TSHZ2: variants seen among roughly 807,000 people sequenced by gnomAD.
The protein encoded by TSHZ2 is teashirt zinc finger homeobox 2, also known as teashirt homolog 2.
A neutral mutation model predicts 74.4 loss-of-function variants in TSHZ2; 21 were observed. The ratio of observed to expected loss-of-function variants is 0.28; its 90% CI spans 0.20 to 0.41. The LOEUF (loss-of-function observed/expected upper bound fraction) is 0.41, where lower values mean the gene tolerates loss of function less well. Ranked by LOEUF, TSHZ2 falls within the 10% of genes least tolerant of loss-of-function variation. The pLI is 1.00. For missense variants in TSHZ2, 1,244 were observed against 1,293.5 expected, an observed-to-expected ratio of 0.96 and a Z score of 0.59; for synonymous variants, 540 against 515.3, an observed-to-expected ratio of 1.05 and a Z score of -0.65.
At chr20:53,469,058 T>TATATAC (rs1257652328) in intron 2 of TSHZ2, among the ~76,000 whole-genome samples, 15 of 116,822 alleles carry the variant, frequency 1.3e-4, no homozygotes, top group African/African-American at 5.0e-4. Flanking sequence ...TATATATATA[T>TATATAC]ATATATATAT....
At chr20:53,481,011 T>C (rs531614014) in intron 2 of TSHZ2, among the ~76,000 whole-genome samples, 2 of 149,250 alleles carry the variant, frequency 1.3e-5, no homozygotes, top group South Asian at 4.3e-4. Context: ...TTTATTTCCA[T>C]TTTATTTTTA....
At chr20:53,335,037 G>C (rs1413677866) in intron 2 of TSHZ2, among the ~76,000 whole-genome samples, 1 of 152,234 alleles carries the variant, frequency 6.6e-6, no homozygotes, top group Non-Finnish European at 1.5e-5. Flanking sequence ...GTAGGCACGA[G>C]TATTTGCCCA....
chr20:53,302,542 C>G (rs1978350799), intron 2 of TSHZ2, among the ~76,000 whole-genome samples: 1 of 152,180 alleles, frequency 6.6e-6, no homozygotes, highest in Non-Finnish European at 1.5e-5. Context: ...AATTGTCTTT[C>G]TAACCGTGTG....
At chr20:52,989,047 G>A (rs1981877303) in intron 1 of TSHZ2, among the ~76,000 whole-genome samples, 1 of 151,628 alleles carries the variant, frequency 6.6e-6, no homozygotes, top group African/African-American at 2.4e-5. Flanking sequence ...AACAGTAGGT[G>A]ACTCTTAAAT....
At position 53,254,316 on chromosome 20, in the gene TSHZ2, C is replaced by T. The variant is rs1246276722; in HGVS notation, c.858C>T (p.Ser286=). 4 of 1,614,104 alleles carry T rather than the reference C, an allele frequency of 2.5e-6. No individual in the cohort carries two copies. Among genetic ancestry groups the T allele is most frequent in the African/African-American group, 2.7e-5 (2 of 75,010 alleles). Residue 286 remains serine (S), a synonymous_variant, in exon 2 of 3, where the codon TCC becomes TCT. Coordinates refer to ENST00000371497, the MANE Select transcript of TSHZ2 (RefSeq NM_173485.6). ...TGTTTTGTGGCGACTCCTTTGATTC[C>T]CTCCAAGATTTGAGCGTCCACATGA... The part of the protein sequence containing the change: ...KCMFCGDSFD[S]LQDLSVHMIK...
intron 2 of TSHZ2, among the ~76,000 whole-genome samples, chr20:53,365,325 G>GTAACAGCTA (rs1360386749): frequency 6.6e-6 from 1 of 152,174 alleles, no homozygotes; most frequent in Non-Finnish European, 1.5e-5. Flanking sequence ...GATGGTGTCT[G>GTAACAGCTA]TAACAGCTAT....
At chr20:52,973,645 G>A (rs189400374) in intron 1 of TSHZ2, among the ~76,000 whole-genome samples, 1 of 152,146 alleles carries the variant, frequency 6.6e-6, no homozygotes, top group Non-Finnish European at 1.5e-5. Flanking sequence ...TCGGATTGAG[G>A]ATTTGGGGTG....
rs941187025 is a variant in TSHZ2 at position 53,131,829 on chromosome 20, C to A, written c.41-121670C>A. ...TGCACTTGAATGACAACCCCCCCCC[C>A]CCCCCAAAAAAAAAAAGCCACACTA... is the stretch of plus-strand genomic sequence containing the variant. On this transcript the variant is annotated intron_variant, in intron 1 of 2. Transcript: ENST00000371497. Among the ~76,000 whole-genome samples the A allele has an allele frequency of 6.9e-3, 794 of 115,780 alleles. 10 individuals carry two copies. Among genetic ancestry groups the A allele is most frequent in the Non-Finnish European group, 0.011 (626 of 54,660 alleles). The allele number at this position is 115,780 out of a possible 152,430, so 76.0% of individuals were successfully genotyped here.
At position 53,425,372 on chromosome 20, in the gene TSHZ2, A is replaced by C. The variant is rs1049670655; in HGVS notation, c.*9-61772A>C. ...TTCCAGCCCTCAGACACTGGACAGC[A>C]GAAGAGTCCACAAAAGCATGAGAGG... On this transcript the variant is annotated intron_variant, in intron 2 of 2. Coordinates refer to ENST00000371497, the MANE Select transcript of TSHZ2 (RefSeq NM_173485.6). Among the ~76,000 whole-genome samples the C allele has an allele frequency of 1.4e-4, 21 of 152,252 alleles. 1 individual carries two copies. Among genetic ancestry groups the C allele is most frequent in the Admixed American group, 1.4e-3 (21 of 15,284 alleles).
chr20:53,266,209 C>T (rs1990713474), intron 2 of TSHZ2, among the ~76,000 whole-genome samples: 1 of 152,018 alleles, frequency 6.6e-6, no homozygotes, highest in Non-Finnish European at 1.5e-5. Flanking sequence ...TGCATGGGAG[C>T]CCTGATTCTG....
At chr20:53,479,145 A>T (rs2145851553) in intron 2 of TSHZ2, among the ~76,000 whole-genome samples, 1 of 151,624 alleles carries the variant, frequency 6.6e-6, no homozygotes, top group East Asian at 1.9e-4. Flanking sequence ...AGCCTGGGCA[A>T]CAGGGCAAGA....
At chr20:53,247,984 A>C (rs1331092963) in intron 1 of TSHZ2, among the ~76,000 whole-genome samples, 1 of 152,188 alleles carries the variant, frequency 6.6e-6, no homozygotes, top group Non-Finnish European at 1.5e-5. Flanking sequence ...CCCATGAATT[A>C]TTTTGCACAA....
intron 2 of TSHZ2, among the ~76,000 whole-genome samples, chr20:53,358,486 G>A (rs909996450): frequency 2.3e-4 from 35 of 151,934 alleles, no homozygotes; most frequent in Admixed American, 1.0e-3. Context: ...GACTACAGGC[G>A]TGCACCACCA....
Position 53,392,088 on chromosome 20 carries a change from A to T in TSHZ2, c.*9-95056A>T, listed in dbSNP as rs969715286. Among the ~76,000 whole-genome samples, 3 of 152,208 alleles carry T rather than the reference A, an allele frequency of 2.0e-5. No homozygotes were observed. In the East Asian group the frequency reaches 5.8e-4, roughly 29 times the overall value. On this transcript the variant is annotated intron_variant, in intron 2 of 2. Coordinates refer to ENST00000371497, the MANE Select transcript of TSHZ2 (RefSeq NM_173485.6). ...ATAATAAAGACATGGAGGTAATTTT[A>T]TTGGTCAATGATAGGGCATCAGAGA...
chr20:53,141,309 G>C (rs1972063107), intron 1 of TSHZ2, among the ~76,000 whole-genome samples: 1 of 152,150 alleles, frequency 6.6e-6, no homozygotes, highest in Non-Finnish European at 1.5e-5. Context: ...TGGGAGCCCA[G>C]GGCATCATTA....
chr20:53,214,791 C>T (rs921079953), intron 1 of TSHZ2, among the ~76,000 whole-genome samples: 1 of 152,070 alleles, frequency 6.6e-6, no homozygotes, highest in Non-Finnish European at 1.5e-5. Context: ...TGTAGAGTGT[C>T]CAGTGCCTGC....
intron 1 of TSHZ2, among the ~76,000 whole-genome samples, chr20:53,065,135 A>AT (rs1216732144): frequency 6.6e-6 from 1 of 152,222 alleles, no homozygotes; most frequent in African/African-American, 2.4e-5. Flanking sequence ...CTGCAGGATG[A>AT]TGCAACACAC....
intron 1 of TSHZ2, among the ~76,000 whole-genome samples, chr20:52,986,335 G>A (rs1786712761): frequency 6.6e-6 from 1 of 150,992 alleles, no homozygotes; most frequent in South Asian, 2.1e-4. Context: ...CCGGGAGGCG[G>A]AGGTTGCAGT....
chr20:53,319,514 A>C (rs172072), intron 2 of TSHZ2, among the ~76,000 whole-genome samples: 75,155 of 152,080 alleles, frequency 0.49, 18,884 homozygotes, highest in Non-Finnish European at 0.54. Context: ...CAGAGAGTGG[A>C]CAGGGTTTGG....
Sources: gnomAD v4.1 joint callset for allele counts (sites outside exome capture counted in the v4.1 genomes callset) on GRCh38, gnomAD v4.1.1 for gene constraint, MANE v1.5 for transcripts, NCBI Gene and HGNC (gene_info 2026-07-23, HGNC 2026-07-21) for gene names.